The following STAT5B variants were observed in gnomAD, a reference collection of about 807,000 sequenced individuals.
STAT5B encodes transcription factor STAT5B.
Under a neutral mutation model 107.8 loss-of-function variants are expected in STAT5B, and 21 were observed. The observed-to-expected ratio is 0.19, with a 90% confidence interval of 0.14 to 0.28. STAT5B has a LOEUF of 0.28. Ranked by LOEUF, STAT5B falls within the 10% of genes least tolerant of loss-of-function variation. The pLI, the probability that STAT5B is intolerant of heterozygous loss-of-function variation, is 1.00. For synonymous variants in STAT5B, 325 were observed against 401.7 expected (o/e 0.81, Z 2.28); for missense variants, 565 against 1,008.2 (o/e 0.56, Z 5.95).
intron 2 of STAT5B, among the ~76,000 whole-genome samples, chr17:42,228,538 T>A (rs1160093620): frequency 5.3e-5 from 8 of 152,352 alleles, no homozygotes; most frequent in Admixed American, 5.2e-4. Flanking sequence ...TGACTGGGTC[T>A]GGAGCCAAAC....
At chr17:42,277,949 G>T (rs529556132), upstream of STAT5B, among the ~76,000 whole-genome samples, 32 of 151,848 alleles carry the variant, frequency 2.1e-4, no homozygotes, top group Non-Finnish European at 3.8e-4. Context: ...GTAGAGACGG[G>T]GTTTCACCAT....
intron 5 of STAT5B, among the ~76,000 whole-genome samples, chr17:42,220,952 A>C (rs1027808655): frequency 6.6e-6 from 1 of 150,700 alleles, no homozygotes; most frequent in Non-Finnish European, 1.5e-5. Context: ...CACTGGGACT[A>C]TTAATCCCTT....
At chr17:42,248,842 C>T (rs1489599476) in intron 1 of STAT5B, among the ~76,000 whole-genome samples, 3 of 152,214 alleles carry the variant, frequency 2.0e-5, no homozygotes, top group African/African-American at 7.2e-5. Context: ...TGCCAACTTC[C>T]CCTCCTGCTT....
chr17:42,275,655 G>C (rs1242733935), intron 1 of STAT5B: 1 of 152,170 alleles, frequency 6.6e-6, no homozygotes, highest in Non-Finnish European at 1.5e-5. Flanking sequence ...ACACGCACGA[G>C]CCCAGGCCTG....
chr17:42,223,362 G>T lies in STAT5B; in HGVS notation c.550+20C>A, dbSNP rs775882718. ...AGGCCCAATCCTCAAGTTGCACAAT[G>T]TGCCTCCACCGCGCCTCACCTTGGA... On this transcript the variant is annotated intron_variant, in intron 5 of 18. Transcript: ENST00000293328. The T allele has an allele frequency of 1.9e-6, 3 of 1,614,116 alleles. No individual in the cohort carries two copies. The highest frequency in any genetic ancestry group is 2.5e-6 in the Non-Finnish European group (3 of 1,180,026).
intron 1 of STAT5B, among the ~76,000 whole-genome samples, chr17:42,240,177 A>G (rs905343817): frequency 1.3e-5 from 2 of 152,200 alleles, no homozygotes; most frequent in African/African-American, 4.8e-5. Flanking sequence ...AGGTACACAA[A>G]TGTTCACAGC....
chr17:42,210,423 G>T lies in STAT5B; in HGVS notation c.1755C>A (p.Leu585=). 1 of 1,614,148 alleles carries T rather than the reference G, an allele frequency of 6.2e-7. No individual in the cohort carries two copies. The highest frequency in any genetic ancestry group is 1.1e-5 in the South Asian group (1 of 91,066). ...DGVMEVLKKH[L]KPHWNDGAIL... ...CTCACCCATCATTCCAATGAGGCTT[G>T]AGATGTTTTTTTAACACTTCCATCA... is the stretch of plus-strand genomic sequence containing the variant. Residue 585 remains leucine, a synonymous_variant, in exon 14 of 19, where the codon CTC becomes CTA. Coordinates refer to ENST00000293328, the MANE Select transcript of STAT5B (RefSeq NM_012448.4).
chr17:42,277,758 CTTTTTTTT>C (rs796461733), upstream of STAT5B, among the ~76,000 whole-genome samples: 2 of 139,868 alleles, frequency 1.4e-5, no homozygotes, highest in Non-Finnish European at 3.1e-5. Flanking sequence ...TTTTTCTTTT[CTTTTTTTT>C]TTTTTTTGAG....
chr17:42,280,862 C>T (rs894667373), upstream of STAT5B, among the ~76,000 whole-genome samples: 3 of 152,008 alleles, frequency 2.0e-5, no homozygotes, highest in Admixed American at 6.6e-5. Flanking sequence ...TGGCCGGGCG[C>T]GGTGGCTCAC....
At chr17:42,285,785 T>C in the STAT5B span, among the ~76,000 whole-genome samples, 3 of 152,146 alleles carry the variant, frequency 2.0e-5, no homozygotes, top group Non-Finnish European at 4.4e-5. Flanking sequence ...TTGCCCATCC[T>C]GGGAAAGTTC....
intron 1 of STAT5B, chr17:42,268,483 CATT>C (rs1228697805): frequency 1.3e-5 from 2 of 151,982 alleles, no homozygotes; most frequent in Non-Finnish European, 2.9e-5. Context: ...CACCATGTAT[CATT>C]AAGTGACAAA....
intron 1 of STAT5B, among the ~76,000 whole-genome samples, chr17:42,257,012 G>A (rs925223741): frequency 2.0e-5 from 3 of 151,700 alleles, no homozygotes; most frequent in Admixed American, 2.0e-4. Flanking sequence ...GTAGGGTTCA[G>A]TATTACCTGA....
At chr17:42,249,291 G>A (rs1328698933) in intron 1 of STAT5B, among the ~76,000 whole-genome samples, 1 of 152,116 alleles carries the variant, frequency 6.6e-6, no homozygotes, top group Non-Finnish European at 1.5e-5. Flanking sequence ...TACTCGGGAG[G>A]CTGAGGCAGG....
chr17:42,218,423 G>T, intron 8 of STAT5B, 93 bp from the exon 9 acceptor site: 1 of 1,545,176 alleles, frequency 6.5e-7, no homozygotes, highest in South Asian at 1.2e-5. Context: ...GCTGCCTCCC[G>T]AGGGGCTCAG....
At chr17:42,238,073 T>G (rs1481334069) in intron 1 of STAT5B, among the ~76,000 whole-genome samples, 1 of 151,610 alleles carries the variant, frequency 6.6e-6, no homozygotes, top group African/African-American at 2.4e-5. Flanking sequence ...CCTTAACCAA[T>G]ATCCTCCAGT....
At chr17:42,255,824 C>T (rs547918354) in intron 1 of STAT5B, among the ~76,000 whole-genome samples, 2 of 152,344 alleles carry the variant, frequency 1.3e-5, no homozygotes, top group South Asian at 4.1e-4. Context: ...GGCACAGCGG[C>T]TCGCGCCTGT....
chr17:42,246,532 G>A (rs2080453132), intron 1 of STAT5B, among the ~76,000 whole-genome samples: 1 of 151,946 alleles, frequency 6.6e-6, no homozygotes, highest in Non-Finnish European at 1.5e-5. Context: ...TATATTAGTG[G>A]CCCTCTTTCA....
chr17:42,248,287 A>G, intron 1 of STAT5B, among the ~76,000 whole-genome samples: 1 of 151,712 alleles, frequency 6.6e-6, no homozygotes, highest in Non-Finnish European at 1.5e-5. Flanking sequence ...AAAAAAAAAA[A>G]AAAAAAAAAT....
rs1391373088 is a variant in STAT5B at position 42,261,798 on chromosome 17, G to A, written c.-11+14450C>T. On this transcript the variant is annotated intron_variant, in intron 1 of 18. Coordinates refer to ENST00000293328, the MANE Select transcript of STAT5B (RefSeq NM_012448.4). The stretch of plus-strand genomic sequence containing the variant: ...TACTTTTGAACCCCTGGGCTCAAGT[G>A]ATGAGCCCACCTCAGCCTTCCAAAG... Among the ~76,000 whole-genome samples the A allele has an allele frequency of 3.3e-5, 5 of 152,118 alleles. No individual in the cohort carries two copies. The East Asian group carries it at 5.8e-4, about 18-fold the overall frequency.
Sources: gnomAD v4.1 joint callset for allele counts (sites outside exome capture counted in the v4.1 genomes callset) on GRCh38, gnomAD v4.1.1 for gene constraint, MANE v1.5 for transcripts, NCBI Gene and HGNC (gene_info 2026-07-23, HGNC 2026-07-21) for gene names.